The following CHRM2 variants were observed in gnomAD, a reference collection of about 807,000 sequenced individuals.
CHRM2 encodes the protein cholinergic receptor muscarinic 2.
A neutral mutation model predicts 25.0 loss-of-function variants in CHRM2; 8 were observed. The ratio of observed to expected loss-of-function variants is 0.32; its 90% CI spans 0.19 to 0.58. CHRM2 has a LOEUF of 0.58. Among genes scored for constraint, CHRM2 ranks in the 20% least tolerant of loss-of-function variants. The pLI is 0.88. For synonymous variants in CHRM2, 202 were observed against 205.7 expected (o/e 0.98, Z 0.15); for missense variants, 440 against 567.1 (o/e 0.78, Z 2.28).
At chr7:137,008,258 T>C (rs1275488421) in intron 3 of CHRM2, among the ~76,000 whole-genome samples, 2 of 152,132 alleles carry the variant, frequency 1.3e-5, no homozygotes, top group Admixed American at 6.6e-5. Context: ...GGCTCTTCAG[T>C]AGGTGAACCC....
At chr7:136,998,012 C>G (rs1353884324) in intron 3 of CHRM2, among the ~76,000 whole-genome samples, 1 of 152,152 alleles carries the variant, frequency 6.6e-6, no homozygotes, top group Non-Finnish European at 1.5e-5. Context: ...CAAGGACAAA[C>G]CTTTGCTATG....
Position 137,016,005 on chromosome 7 carries a change from C to T in CHRM2, c.1140C>T (p.Ser380=), listed in dbSNP as rs1338243806. 2.5e-6 allele frequency: 4 copies of T among 1,613,098 alleles called. No homozygotes were observed. Among genetic ancestry groups the T allele is most frequent in the Non-Finnish European group, 2.5e-6 (3 of 1,179,448 alleles). ...CTGCAAAAAAGAAGCCTCCTCCTTC[C>T]CGGGAAAAGAAAGTCACCAGGACAA... ...KQPAKKKPPP[S]REKKVTRTIL... is the part of the protein sequence containing the mutation. Residue 380 remains serine, a synonymous_variant, in exon 4 of 4, where the codon TCC becomes TCT. Transcript: ENST00000680005.
chr7:136,974,788 C>G (rs1044729921), intron 2 of CHRM2, among the ~76,000 whole-genome samples: 2 of 151,916 alleles, frequency 1.3e-5, no homozygotes, highest in Non-Finnish European at 2.9e-5. Context: ...TATTTAAATC[C>G]GTAAGTTACA....
At chr7:136,882,401 C>T (rs1187246512) in intron 2 of CHRM2, among the ~76,000 whole-genome samples, 9 of 151,534 alleles carry the variant, frequency 5.9e-5, no homozygotes, top group Non-Finnish European at 1.0e-4. Flanking sequence ...TCTCCTCCTC[C>T]CCCTCTTCAC....
intron 2 of CHRM2, among the ~76,000 whole-genome samples, chr7:136,953,094 G>A (rs1161427295): frequency 6.6e-6 from 1 of 152,122 alleles, no homozygotes; most frequent in Non-Finnish European, 1.5e-5. Context: ...TATATACCCA[G>A]TAATGGTATT....
intron 2 of CHRM2, among the ~76,000 whole-genome samples, chr7:136,945,443 CAT>C (rs1360973536): frequency 6.6e-6 from 1 of 152,118 alleles, no homozygotes; most frequent in African/African-American, 2.4e-5. Context: ...CATTTTTCCA[CAT>C]GTGGCTTGCC....
chr7:136,959,906 C>G (rs903780540), intron 2 of CHRM2, among the ~76,000 whole-genome samples: 1 of 151,904 alleles, frequency 6.6e-6, no homozygotes, highest in African/African-American at 2.4e-5. Flanking sequence ...AGCAAAACTC[C>G]GTCCAAAAAA....
intron 2 of CHRM2, among the ~76,000 whole-genome samples, chr7:136,927,738 A>G (rs543468118): frequency 1.2e-4 from 18 of 152,308 alleles, no homozygotes; most frequent in African/African-American, 4.3e-4. Context: ...ATAGAATTCT[A>G]TTTATTAGAA....
intron 2 of CHRM2, among the ~76,000 whole-genome samples, chr7:136,974,180 T>G (rs982191027): frequency 2.6e-5 from 4 of 152,198 alleles, no homozygotes; most frequent in African/African-American, 9.6e-5. Context: ...TACCAAGCAC[T>G]CATTACTGAT....
At chr7:136,976,100 A>G (rs1205467215) in intron 2 of CHRM2, among the ~76,000 whole-genome samples, 1 of 152,182 alleles carries the variant, frequency 6.6e-6, no homozygotes, top group South Asian at 2.1e-4. Context: ...AAGAAATGGT[A>G]TATTATAAAA....
intron 3 of CHRM2, among the ~76,000 whole-genome samples, chr7:137,010,873 C>T (rs540275318): frequency 4.6e-5 from 7 of 151,810 alleles, no homozygotes; most frequent in South Asian, 2.1e-4. Context: ...CAATTCCACA[C>T]GTTACTGGAT....
chr7:136,964,553 CTTCT>C (rs1433614214), intron 2 of CHRM2, among the ~76,000 whole-genome samples: 2 of 152,160 alleles, frequency 1.3e-5, no homozygotes, highest in Non-Finnish European at 2.9e-5. Context: ...CAAATTCTTT[CTTCT>C]TTCTTTGTCT....
chr7:136,938,492 C>T (rs1243157908), intron 2 of CHRM2: 8 of 1,059,934 alleles, frequency 7.5e-6, no homozygotes, highest in Admixed American at 1.7e-5. Flanking sequence ...TTGGGGTTCA[C>T]CTCTAGGATA....
intron 2 of CHRM2, among the ~76,000 whole-genome samples, chr7:136,887,094 C>A (rs1563045608): frequency 6.6e-6 from 1 of 152,066 alleles, no homozygotes; most frequent in African/African-American, 2.4e-5. Flanking sequence ...TGTATTCAGG[C>A]TTTTTATGAG....
At chr7:136,876,797 A>T (rs1376617234) in intron 2 of CHRM2, among the ~76,000 whole-genome samples, 1 of 152,000 alleles carries the variant, frequency 6.6e-6, no homozygotes, top group Non-Finnish European at 1.5e-5. Flanking sequence ...TTGAATATTG[A>T]CCTCTTGGCA....
chr7:136,956,219 G>A (rs1217967493), intron 2 of CHRM2, among the ~76,000 whole-genome samples: 3 of 152,178 alleles, frequency 2.0e-5, no homozygotes, highest in Admixed American at 6.5e-5. Context: ...CAGGACTTTG[G>A]AATGGCATGG....
In CHRM2 at chr7:137,015,581, G is replaced by A. The variant is rs949756685; in HGVS notation, c.716G>A (p.Arg239Lys). Reference sequence around the variant, plus strand: ...GTTTCTCCAAGTCTGGTACAAGGAAGGATAGTGAAGCCAAACAATAACAAC... The same window carrying A: ...GTTTCTCCAAGTCTGGTACAAGGAAAGATAGTGAAGCCAAACAATAACAAC... ...DPVSPSLVQG[R>K]IVKPNNNNMP... The change falls in exon 4 of 4, where the codon AGG (arginine) becomes AAG (lysine). Residue 239 changes from arginine to lysine, a missense_variant. By Grantham distance (26) the Arg-to-Lys change is conservative. Transcript: ENST00000680005. The surrounding 1 kb of genome is among the most constrained non-coding windows in gnomAD (Gnocchi z 5.1). 3.1e-6 allele frequency: 5 copies of A among 1,612,794 alleles called. No homozygotes were observed. In the African/African-American group the frequency reaches 6.7e-5, roughly 22 times the overall value.
intron 2 of CHRM2, among the ~76,000 whole-genome samples, chr7:136,956,428 T>A (rs1261518193): frequency 6.6e-6 from 1 of 152,206 alleles, no homozygotes; most frequent in South Asian, 2.1e-4. Context: ...GAAAAAATGC[T>A]TCACTCTGAC....
intron 3 of CHRM2, among the ~76,000 whole-genome samples, chr7:137,000,591 G>GGAAGGAA (rs917139955): frequency 6.7e-6 from 1 of 149,066 alleles, no homozygotes; most frequent in Non-Finnish European, 1.5e-5. Flanking sequence ...AAGGAAGGAA[G>GGAAGGAA]GGAAAAAAAG....
Sources: gnomAD v4.1 joint callset for allele counts (sites outside exome capture counted in the v4.1 genomes callset) on GRCh38, gnomAD v4.1.1 for gene constraint, Gnocchi (gnomAD v3.1) non-coding constraint, MANE v1.5 for transcripts, NCBI Gene and HGNC (gene_info 2026-07-23, HGNC 2026-07-21) for gene names.